Variants in GALNT18 observed in about 807,000 individuals in gnomAD.
GALNT18 encodes the protein polypeptide N-acetylgalactosaminyltransferase 18.
In GALNT18, 44 loss-of-function variants were observed where a neutral mutation model predicts 69.5. The ratio of observed to expected loss-of-function variants is 0.63; its 90% CI spans 0.50 to 0.81. The LOEUF (loss-of-function observed/expected upper bound fraction) is 0.81, where lower values mean the gene tolerates loss of function less well. Among genes scored for constraint, GALNT18 ranks in the 40% least tolerant of loss-of-function variants. GALNT18 has a pLI of 0.00. For missense variants in GALNT18, 715 were observed against 810.0 expected, an observed-to-expected ratio of 0.88 and a Z score of 1.42; for synonymous variants, 364 against 318.2, an observed-to-expected ratio of 1.14 and a Z score of -1.53.
chr11:11,285,193 G>C (rs1262516703), intron 10 of GALNT18, among the ~76,000 whole-genome samples: 1 of 152,032 alleles, frequency 6.6e-6, no homozygotes, highest in African/African-American at 2.4e-5. Context: ...GCGATCCACT[G>C]GTTTTCCAGA....
At chr11:11,274,827 T>G (rs1201187022) in intron 10 of GALNT18, among the ~76,000 whole-genome samples, 1 of 152,228 alleles carries the variant, frequency 6.6e-6, no homozygotes, top group Non-Finnish European at 1.5e-5. Context: ...TTGCTGTTCT[T>G]ATGATAGTTT....
chr11:11,284,555 T>C (rs779660665), intron 10 of GALNT18, among the ~76,000 whole-genome samples: 1 of 152,220 alleles, frequency 6.6e-6, no homozygotes, highest in Non-Finnish European at 1.5e-5. Context: ...AGTATTTGTG[T>C]TAAGCTCAGG....
rs6484929 is a variant in GALNT18, at chr11:11,465,006, G to A, written c.236-16070C>T. Reference sequence around the variant, plus strand: ...GGGATGGAATTACGAGCAGTGGGGAGTTGTTGGGGTGGCTGCTTATTATTT... The same window carrying A: ...GGGATGGAATTACGAGCAGTGGGGAATTGTTGGGGTGGCTGCTTATTATTT... On this transcript the variant is annotated intron_variant, in intron 1 of 10. Coordinates refer to ENST00000227756, the MANE Select transcript of GALNT18 (RefSeq NM_198516.3). The surrounding 1 kb of genome is among the most constrained non-coding windows in gnomAD (Gnocchi z 5.7). 0.69 allele frequency among the ~76,000 whole-genome samples: 104,272 copies of A among 152,052 alleles called. 36,605 individuals are homozygous for A. Among genetic ancestry groups the A allele is most frequent in the Non-Finnish European group, 0.77 (52,112 of 67,964 alleles).
chr11:11,514,140 C>G (rs1857219100), intron 1 of GALNT18, among the ~76,000 whole-genome samples: 1 of 152,228 alleles, frequency 6.6e-6, no homozygotes, highest in Non-Finnish European at 1.5e-5. Context: ...TCCAATGATT[C>G]CCACATCACA....
intron 1 of GALNT18, among the ~76,000 whole-genome samples, chr11:11,536,775 C>T (rs1857782581): frequency 6.6e-6 from 1 of 152,200 alleles, no homozygotes; most frequent in African/African-American, 2.4e-5. Context: ...TTCAGCTTCA[C>T]ATGTGGTAGG....
intron 3 of GALNT18, among the ~76,000 whole-genome samples, chr11:11,427,847 C>T (rs533444205): frequency 2.0e-5 from 3 of 152,326 alleles, no homozygotes; most frequent in African/African-American, 7.2e-5. Context: ...CACTCCGATT[C>T]CCCCACCTCA....
chr11:11,290,185 T>C (rs1033581339), intron 10 of GALNT18, among the ~76,000 whole-genome samples: 1 of 152,152 alleles, frequency 6.6e-6, no homozygotes, highest in Non-Finnish European at 1.5e-5. Context: ...GTCCCTAGGA[T>C]TGGCCTTAGA....
chr11:11,574,356 G>T (rs778321281), intron 1 of GALNT18, among the ~76,000 whole-genome samples: 3 of 152,232 alleles, frequency 2.0e-5, no homozygotes, highest in Non-Finnish European at 2.9e-5. Context: ...GACTGGGGGA[G>T]TAGAGAACCT....
In GALNT18 at chr11:11,602,337, A is replaced by C. The variant is rs190475694; in HGVS notation, c.235+19022T>G. The stretch of plus-strand genomic sequence containing the variant: ...AGGGTAAAGCTTCCACCCTGTAAGT[A>C]GGGGCAGCCCCAGACCACTCAACCA... On this transcript the variant is annotated intron_variant, in intron 1 of 10. Coordinates refer to ENST00000227756, the MANE Select transcript of GALNT18 (RefSeq NM_198516.3). This position sits in a 1 kb window ranked among gnomAD's most constrained non-coding sequence, Gnocchi z 4.7. 8.7e-4 allele frequency among the ~76,000 whole-genome samples: 132 copies of C among 152,278 alleles called. No homozygotes were observed. Among genetic ancestry groups the C allele is most frequent in the Non-Finnish European group, 1.5e-3 (99 of 68,028 alleles).
chr11:11,554,015 G>A (rs11607888), intron 1 of GALNT18, among the ~76,000 whole-genome samples: 17,637 of 152,148 alleles, frequency 0.12, 1,456 homozygotes, highest in Non-Finnish European at 0.17. Flanking sequence ...GGCCCACCGC[G>A]CAGCACTTCG....
chr11:11,378,793 C>A (rs1853837287), intron 4 of GALNT18, among the ~76,000 whole-genome samples: 1 of 152,152 alleles, frequency 6.6e-6, no homozygotes, highest in Non-Finnish European at 1.5e-5. Context: ...GGCATGTACC[C>A]TTCTCCCTGA....
Position 11,337,943 on chromosome 11 carries a change from A to G in GALNT18, c.1278+2876T>C, listed in dbSNP as rs900569365. 2.0e-5 allele frequency among the ~76,000 whole-genome samples: 3 copies of G among 150,650 alleles called. No homozygotes were observed. The highest frequency in any genetic ancestry group is 2.0e-4 in the Admixed American group (3 of 15,100). On this transcript the variant is annotated intron_variant, in intron 7 of 10. Coordinates refer to ENST00000227756, the MANE Select transcript of GALNT18 (RefSeq NM_198516.3). The surrounding 1 kb of genome is among the most constrained non-coding windows in gnomAD (Gnocchi z 4.9). Reference sequence around the variant, plus strand: ...GGGCTTTGTGCTTGATTTTGTACATAGCAGGAGTCATTTAAAGATTTTTTT... The same window carrying G: ...GGGCTTTGTGCTTGATTTTGTACATGGCAGGAGTCATTTAAAGATTTTTTT...
Position 11,491,970 on chromosome 11 carries a change from G to C in GALNT18, c.236-43034C>G, listed in dbSNP as rs1161005588. ...TGAAAAGCTCATCTCTCATAGAAAG[G>C]AAGAGTACCTATGATTCATTTAGCA... On this transcript the variant is annotated intron_variant, in intron 1 of 10. Transcript: ENST00000227756. 5.3e-5 allele frequency among the ~76,000 whole-genome samples: 8 copies of C among 152,282 alleles called. No individual in the cohort carries two copies. The East Asian group carries it at 1.5e-3, about 29-fold the overall frequency.
At chr11:11,313,945 A>G (rs1564891503) in intron 9 of GALNT18, among the ~76,000 whole-genome samples, 2 of 152,328 alleles carry the variant, frequency 1.3e-5, no homozygotes, top group East Asian at 3.9e-4. Flanking sequence ...AGAGACCAAT[A>G]TTACTGAGCC....
chr11:11,373,926 G>A (rs1850972896), intron 5 of GALNT18, among the ~76,000 whole-genome samples: 2 of 152,208 alleles, frequency 1.3e-5, no homozygotes, highest in South Asian at 2.1e-4. Flanking sequence ...TGAGAAAACT[G>A]TCGGTCCATC....
At chr11:11,611,958 C>T (rs1859914699) in intron 1 of GALNT18, among the ~76,000 whole-genome samples, 2 of 152,198 alleles carry the variant, frequency 1.3e-5, no homozygotes, top group Admixed American at 1.3e-4. Context: ...AAGCCCCTGC[C>T]TGGCCTCCCA....
intron 1 of GALNT18, among the ~76,000 whole-genome samples, chr11:11,507,050 T>C (rs867587291): frequency 6.6e-6 from 1 of 152,320 alleles, no homozygotes; most frequent in Middle Eastern, 3.4e-3. Context: ...ACTGGGAACC[T>C]GAAAATGTGG....
In GALNT18 at chr11:11,505,424, C is replaced by T. The variant is rs535851265; in HGVS notation, c.236-56488G>A. On this transcript the variant is annotated intron_variant, in intron 1 of 10. Coordinates refer to ENST00000227756, the MANE Select transcript of GALNT18 (RefSeq NM_198516.3). This position sits in a 1 kb window ranked among gnomAD's most constrained non-coding sequence, Gnocchi z 4.6. ...GCATACCAGCACTGACTCCTATGCC[C>T]ACAGCAGATCCAAGTAATCAATCAC... Among the ~76,000 whole-genome samples, 24 of 152,270 alleles carry T rather than the reference C, an allele frequency of 1.6e-4. No individual in the cohort carries two copies. The South Asian group carries it at 5.0e-3, about 32-fold the overall frequency.
At chr11:11,504,072 G>T (rs1327232094) in intron 1 of GALNT18, among the ~76,000 whole-genome samples, 1 of 152,094 alleles carries the variant, frequency 6.6e-6, no homozygotes, top group Admixed American at 6.5e-5. Flanking sequence ...CACTGAATAG[G>T]TTTCCTTCTA....
Sources: allele counts gnomAD v4.1 joint callset (sites outside exome capture counted in the v4.1 genomes callset), GRCh38; gene constraint gnomAD v4.1.1; non-coding constraint Gnocchi (gnomAD v3.1); transcripts MANE v1.5; gene names NCBI Gene and HGNC (gene_info 2026-07-23, HGNC 2026-07-21).